Variants in LRMDA observed in about 807,000 individuals in gnomAD.
LRMDA encodes leucine rich melanocyte differentiation associated.
LRMDA carries 18 observed loss-of-function variants against 29.8 expected under a neutral mutation model. That is an observed-to-expected ratio of 0.60 (90% CI 0.42 to 0.90). The LOEUF is 0.90. Among genes scored for constraint, LRMDA ranks in the 40% least tolerant of loss-of-function variants. The pLI is 0.00. For missense variants in LRMDA, 273 were observed against 273.9 expected, an observed-to-expected ratio of 1.00 and a Z score of 0.02; for synonymous variants, 125 against 109.4, an observed-to-expected ratio of 1.14 and a Z score of -0.89.
At chr10:75,595,036 G>A (rs1203724722) in intron 2 of LRMDA, among the ~76,000 whole-genome samples, 1 of 152,116 alleles carries the variant, frequency 6.6e-6, no homozygotes, top group Non-Finnish European at 1.5e-5. Context: ...ATCTCATTAT[G>A]TAAAGGTTCA....
intron 2 of LRMDA, among the ~76,000 whole-genome samples, chr10:75,783,994 C>T (rs958153112): frequency 8.6e-5 from 13 of 151,926 alleles, no homozygotes; most frequent in South Asian, 6.3e-4. Flanking sequence ...ACCTAATTGC[C>T]GAATACTGAA....
chr10:76,434,409 C>A (rs575773778), intron 6 of LRMDA, among the ~76,000 whole-genome samples: 3 of 152,172 alleles, frequency 2.0e-5, no homozygotes, highest in East Asian at 3.9e-4. Context: ...TTCTCCCACT[C>A]CCCTTCCCAA....
chr10:76,508,697 G>T (rs1842981969), intron 6 of LRMDA, among the ~76,000 whole-genome samples: 1 of 151,932 alleles, frequency 6.6e-6, no homozygotes, highest in Non-Finnish European at 1.5e-5. Context: ...ATTTCTCCAA[G>T]GAAATCTGAT....
intron 5 of LRMDA, among the ~76,000 whole-genome samples, chr10:76,202,251 G>T (rs1373843899): frequency 6.6e-6 from 1 of 152,124 alleles, no homozygotes; most frequent in Non-Finnish European, 1.5e-5. Context: ...AGCCATTACC[G>T]CAACAGTCTG....
chr10:76,019,580 G>A (rs1417332850), intron 2 of LRMDA, among the ~76,000 whole-genome samples: 1 of 152,016 alleles, frequency 6.6e-6, no homozygotes, highest in Non-Finnish European at 1.5e-5. Context: ...TAATGACCTT[G>A]GTTCATATTT....
At chr10:75,733,141 G>A (rs1842719344) in intron 2 of LRMDA, among the ~76,000 whole-genome samples, 1 of 152,230 alleles carries the variant, frequency 6.6e-6, no homozygotes, top group Non-Finnish European at 1.5e-5. Flanking sequence ...TGTGGGCTAT[G>A]TAATGATGAA....
intron 2 of LRMDA, among the ~76,000 whole-genome samples, chr10:76,007,710 G>A (rs1362074478): frequency 1.3e-5 from 2 of 152,126 alleles, no homozygotes; most frequent in African/African-American, 4.8e-5. Context: ...ACTTTTCACG[G>A]CCCTTGTGCA....
At chr10:75,432,550 A>G (rs1165274745) in intron 1 of LRMDA, among the ~76,000 whole-genome samples, 3 of 152,324 alleles carry the variant, frequency 2.0e-5, no homozygotes, top group Middle Eastern at 3.4e-3. Flanking sequence ...CTCTGTCTTT[A>G]ACCTCTTCTC....
At chr10:76,169,991 C>A (rs1850806462) in intron 5 of LRMDA, among the ~76,000 whole-genome samples, 1 of 152,090 alleles carries the variant, frequency 6.6e-6, no homozygotes, top group South Asian at 2.1e-4. Flanking sequence ...GTGAAGTTTC[C>A]TGTAGCCTGT....
At chr10:75,849,780 C>G (rs1440673722) in intron 2 of LRMDA, among the ~76,000 whole-genome samples, 2 of 152,120 alleles carry the variant, frequency 1.3e-5, no homozygotes, top group African/African-American at 2.4e-5. Context: ...TAAAAAAGCC[C>G]TAAGTAGTTC....
intron 2 of LRMDA, among the ~76,000 whole-genome samples, chr10:75,818,581 G>A (rs1479347399): frequency 6.6e-6 from 1 of 152,174 alleles, no homozygotes; most frequent in African/African-American, 2.4e-5. Context: ...TTCTCCAGAG[G>A]TGCCCAGCCC....
At chr10:75,920,734 A>C (rs1846012552) in intron 2 of LRMDA, among the ~76,000 whole-genome samples, 1 of 152,198 alleles carries the variant, frequency 6.6e-6, no homozygotes, top group Non-Finnish European at 1.5e-5. Flanking sequence ...AAAGACTAGA[A>C]AATGAAACAC....
At chr10:75,630,869 A>C (rs1439668300) in intron 2 of LRMDA, among the ~76,000 whole-genome samples, 1 of 152,160 alleles carries the variant, frequency 6.6e-6, no homozygotes, top group Non-Finnish European at 1.5e-5. Flanking sequence ...TGTTGATTCT[A>C]GAAAAAGGAG....
chr10:75,988,067 C>A (rs888964457), intron 2 of LRMDA, among the ~76,000 whole-genome samples: 1 of 152,204 alleles, frequency 6.6e-6, no homozygotes, highest in Non-Finnish European at 1.5e-5. Context: ...ACCTCTGTGT[C>A]ACTTTCCATT....
At chr10:75,993,773 G>C (rs895531124) in intron 2 of LRMDA, among the ~76,000 whole-genome samples, 1 of 151,966 alleles carries the variant, frequency 6.6e-6, no homozygotes, top group Non-Finnish European at 1.5e-5. Context: ...ATTCCCTCAG[G>C]GTCATATTAT....
chr10:76,551,402 T>A (rs1843492810), intron 6 of LRMDA, among the ~76,000 whole-genome samples: 1 of 152,246 alleles, frequency 6.6e-6, no homozygotes, highest in Admixed American at 6.5e-5. Context: ...GTAAATTTTA[T>A]GTACATGATT....
chr10:76,519,928 T>C lies in LRMDA; in HGVS notation c.602-37281T>C, dbSNP rs1238910692. ...AGCATACTTTTTTTAAGTTTGTAAT[T>C]TGGGTTTTACTTTTTTATGGTGTTT... On this transcript the variant is annotated intron_variant, in intron 6 of 6. Coordinates refer to ENST00000611255, the MANE Select transcript of LRMDA (RefSeq NM_001305581.2). Among the ~76,000 whole-genome samples, 3 of 152,188 alleles carry C rather than the reference T, an allele frequency of 2.0e-5. No individual in the cohort carries two copies. In the East Asian group the frequency reaches 5.8e-4, roughly 29 times the overall value.
chr10:76,483,088 T>C (rs1025060559), intron 6 of LRMDA, among the ~76,000 whole-genome samples: 1 of 152,004 alleles, frequency 6.6e-6, no homozygotes, highest in Non-Finnish European at 1.5e-5. Context: ...AATTATCTTA[T>C]TATGTCCTAG....
At chr10:75,784,682 A>C (rs1227826393) in intron 2 of LRMDA, among the ~76,000 whole-genome samples, 1 of 151,352 alleles carries the variant, frequency 6.6e-6, no homozygotes, top group Non-Finnish European at 1.5e-5. Context: ...CAGCCTGGCG[A>C]CAGAGCGAGA....
Sources: allele counts gnomAD v4.1 joint callset (sites outside exome capture counted in the v4.1 genomes callset), GRCh38; gene constraint gnomAD v4.1.1; transcripts MANE v1.5; gene names NCBI Gene and HGNC (gene_info 2026-07-23, HGNC 2026-07-21).